The following PTPRD variants were observed in gnomAD, a reference collection of about 807,000 sequenced individuals.
PTPRD encodes the protein protein tyrosine phosphatase receptor type D, also known as receptor-type tyrosine-protein phosphatase delta.
Under a neutral mutation model 214.5 loss-of-function variants are expected in PTPRD, and 34 were observed. The observed-to-expected ratio is 0.16, with a 90% CI of 0.12 to 0.21. PTPRD has a LOEUF of 0.21. Among genes scored for constraint, PTPRD ranks in the 10% least tolerant of loss-of-function variants. PTPRD has a pLI of 1.00. For synonymous variants in PTPRD, 1,128 were observed against 845.7 expected, an observed-to-expected ratio of 1.33 and a Z score of -5.79; for missense variants, 2,545 against 2,398.7, an observed-to-expected ratio of 1.06 and a Z score of -1.27.
intron 10 of PTPRD, among the ~76,000 whole-genome samples, chr9:9,139,765 T>C (rs2099856940): frequency 2.0e-5 from 3 of 152,160 alleles, no homozygotes; most frequent in African/African-American, 7.2e-5. Context: ...CACAGGTAAT[T>C]GAAACTGCAG....
chr9:9,625,933 A>C (rs1306352128), intron 7 of PTPRD, among the ~76,000 whole-genome samples: 7 of 152,164 alleles, frequency 4.6e-5, no homozygotes, highest in Non-Finnish European at 8.8e-5. Context: ...CTAGATGATA[A>C]ATGTTTTTGT....
chr9:9,761,749 T>G (rs986062962), intron 6 of PTPRD, among the ~76,000 whole-genome samples: 15 of 151,632 alleles, frequency 9.9e-5, no homozygotes, highest in Non-Finnish European at 2.2e-4. Context: ...AAAAAACTAT[T>G]CATTATCATT....
chr9:9,135,933 T>A (rs1224532275), intron 10 of PTPRD, among the ~76,000 whole-genome samples: 1 of 152,026 alleles, frequency 6.6e-6, no homozygotes, highest in Non-Finnish European at 1.5e-5. Context: ...CATTTAAATA[T>A]TAATGATGAC....
chr9:9,058,779 A>C lies in PTPRD; in HGVS notation c.-142-40044T>G, dbSNP rs117001161. ...TTTTTTTTTAAGCAAAGGAAAAGAAAATCTTAAAGTTAGAGAGGTTGTGAA... is the reference window on the plus strand; with the variant it reads ...TTTTTTTTTAAGCAAAGGAAAAGAACATCTTAAAGTTAGAGAGGTTGTGAA... On this transcript the variant is annotated intron_variant, in intron 10 of 45. Transcript: ENST00000381196. 2.1e-3 allele frequency among the ~76,000 whole-genome samples: 325 copies of C among 152,198 alleles called. 9 individuals carry two copies. In the East Asian group the frequency reaches 0.041, roughly 19 times the overall value.
chr9:8,330,596 G>A (rs538121276), intron 44 of PTPRD, among the ~76,000 whole-genome samples: 2 of 151,918 alleles, frequency 1.3e-5, no homozygotes, highest in Admixed American at 6.5e-5. Flanking sequence ...CATAGATAAA[G>A]GTTTGCTTCT....
At chr9:9,244,181 G>A (rs2099971784) in intron 9 of PTPRD, among the ~76,000 whole-genome samples, 1 of 152,098 alleles carries the variant, frequency 6.6e-6, no homozygotes. Flanking sequence ...TGGATAGGAA[G>A]AATCAATATC....
intron 11 of PTPRD, among the ~76,000 whole-genome samples, chr9:8,896,672 T>C (rs1336463593): frequency 1.3e-5 from 2 of 152,188 alleles, no homozygotes; most frequent in East Asian, 3.8e-4. Context: ...CTGTGTGACT[T>C]GAATAGTTTC....
At chr9:8,768,929 C>G (rs1565915175) in intron 11 of PTPRD, among the ~76,000 whole-genome samples, 1 of 152,130 alleles carries the variant, frequency 6.6e-6, no homozygotes, top group Non-Finnish European at 1.5e-5. Context: ...TAATGCCGTT[C>G]TTACCATGTT....
At chr9:8,747,756 C>A (rs1298340416) in intron 11 of PTPRD, among the ~76,000 whole-genome samples, 4 of 152,078 alleles carry the variant, frequency 2.6e-5, no homozygotes, top group Admixed American at 6.6e-5. Flanking sequence ...AACCCTTCAC[C>A]AAACCTTTCA....
At chr9:9,260,439 A>T (rs1483669644) in intron 9 of PTPRD, among the ~76,000 whole-genome samples, 1 of 151,896 alleles carries the variant, frequency 6.6e-6, no homozygotes, top group East Asian at 1.9e-4. Context: ...TTGAGGGAAA[A>T]ATAGTTTAAG....
chr9:8,504,202 C>T, intron 23 of PTPRD, 59 bp downstream of exon 23: 3 of 1,579,410 alleles, frequency 1.9e-6, no homozygotes, highest in East Asian at 4.5e-5. Flanking sequence ...AAGGTGAAAG[C>T]TAGCAACATC....
At chr9:10,267,893 A>G (rs1284940036) in intron 3 of PTPRD, among the ~76,000 whole-genome samples, 9 of 152,176 alleles carry the variant, frequency 5.9e-5, no homozygotes, top group Non-Finnish European at 1.2e-4. Flanking sequence ...AAGTGAAATA[A>G]AAATCACACA....
At chr9:10,019,068 A>G (rs2096788191) in intron 4 of PTPRD, among the ~76,000 whole-genome samples, 1 of 152,176 alleles carries the variant, frequency 6.6e-6, no homozygotes. Context: ...AATGAACTCA[A>G]ATAAATTTAC....
intron 7 of PTPRD, among the ~76,000 whole-genome samples, chr9:9,701,535 T>C (rs1184031279): frequency 7.2e-5 from 11 of 152,122 alleles, no homozygotes; most frequent in Non-Finnish European, 1.2e-4. Context: ...TTGTATTTTG[T>C]ATTTGGGAAG....
intron 2 of PTPRD, among the ~76,000 whole-genome samples, chr9:10,445,398 G>A (rs912352728): frequency 6.6e-6 from 1 of 152,048 alleles, no homozygotes; most frequent in Non-Finnish European, 1.5e-5. Context: ...ATGAGGACAT[G>A]TCTGCAATAG....
intron 3 of PTPRD, among the ~76,000 whole-genome samples, chr9:10,205,056 C>T: frequency 6.6e-6 from 1 of 151,936 alleles, no homozygotes; most frequent in East Asian, 1.9e-4. Context: ...TTTTGAGAAG[C>T]TTTGTACTTG....
At chr9:9,721,427 A>C (rs1219580806) in intron 7 of PTPRD, among the ~76,000 whole-genome samples, 2 of 152,152 alleles carry the variant, frequency 1.3e-5, no homozygotes, top group Non-Finnish European at 2.9e-5. Flanking sequence ...ATTTATAAGA[A>C]TATGCCACAA....
chr9:10,524,023 G>T (rs754522547), intron 2 of PTPRD, among the ~76,000 whole-genome samples: 1 of 151,974 alleles, frequency 6.6e-6, no homozygotes, highest in Non-Finnish European at 1.5e-5. Flanking sequence ...TAAGCTAAGG[G>T]TGGTTCTCTG....
At chr9:9,789,009 T>C (rs550064039) in intron 5 of PTPRD, among the ~76,000 whole-genome samples, 1 of 152,346 alleles carries the variant, frequency 6.6e-6, no homozygotes, top group Non-Finnish European at 1.5e-5. Context: ...TTTATGTCTA[T>C]ATTTCATCAC....
Sources: gnomAD v4.1 joint callset for allele counts (sites outside exome capture counted in the v4.1 genomes callset) on GRCh38, gnomAD v4.1.1 for gene constraint, MANE v1.5 for transcripts, NCBI Gene and HGNC (gene_info 2026-07-23, HGNC 2026-07-21) for gene names.